UCHL5: variants seen among roughly 807,000 people sequenced by gnomAD.
The protein encoded by UCHL5 is ubiquitin C-terminal hydrolase L5, also known as ubiquitin carboxyl-terminal hydrolase isozyme L5.
In UCHL5, 34 loss-of-function variants were observed where a neutral mutation model predicts 53.8. The ratio of observed to expected loss-of-function variants is 0.63; its 90% CI spans 0.48 to 0.84. UCHL5 has a LOEUF of 0.84. Ranked by LOEUF, UCHL5 falls within the 40% of genes least tolerant of loss-of-function variation. UCHL5 has a pLI of 0.00. For synonymous variants in UCHL5, 111 were observed against 126.3 expected, an observed-to-expected ratio of 0.88 and a Z score of 0.81; for missense variants, 290 against 385.6, an observed-to-expected ratio of 0.75 and a Z score of 2.08.
At chr1:193,059,840 G>T, upstream of UCHL5, 1 of 1,361,468 alleles carries the variant, frequency 7.3e-7, no homozygotes, top group Non-Finnish European at 9.8e-7. This position sits in a 1 kb window ranked among gnomAD's most constrained non-coding sequence, Gnocchi z 4.9. Flanking sequence ...CGCAAATTCT[G>T]ACCAGTCCTC....
At chr1:193,043,198 T>C (rs1405923280) in intron 3 of UCHL5, among the ~76,000 whole-genome samples, 3 of 140,346 alleles carry the variant, frequency 2.1e-5, no homozygotes. Context: ...TTATAAACTA[T>C]TGTTTTTTTT....
At chr1:193,056,707 G>C (rs905448625) in intron 1 of UCHL5, among the ~76,000 whole-genome samples, 5 of 152,126 alleles carry the variant, frequency 3.3e-5, no homozygotes, top group Admixed American at 6.5e-5. Flanking sequence ...CTTTTGAAAT[G>C]AATTTATGAC....
chr1:193,026,217 A>C (rs1333541406), intron 7 of UCHL5, among the ~76,000 whole-genome samples: 1 of 151,958 alleles, frequency 6.6e-6, no homozygotes, highest in Middle Eastern at 3.2e-3. Context: ...CACAGGAAAA[A>C]AATTTTGGTA....
At chr1:193,053,850 A>G (rs368114039) in intron 1 of UCHL5, among the ~76,000 whole-genome samples, 1 of 152,208 alleles carries the variant, frequency 6.6e-6, no homozygotes, top group East Asian at 1.9e-4. Context: ...CCTGGCAAAG[A>G]CAGAAATTAA....
At chr1:193,021,688 G>T (rs1016655174) in intron 9 of UCHL5, among the ~76,000 whole-genome samples, 1 of 152,120 alleles carries the variant, frequency 6.6e-6, no homozygotes, top group Non-Finnish European at 1.5e-5. Flanking sequence ...GTGATTCTAG[G>T]CTTTTACTGC....
At chr1:193,031,238 T>A (rs1350046570) in intron 3 of UCHL5, among the ~76,000 whole-genome samples, 1 of 152,078 alleles carries the variant, frequency 6.6e-6, no homozygotes, top group Non-Finnish European at 1.5e-5. Context: ...GATAGCACAG[T>A]GGGAGGAGTA....
At position 193,014,978 on chromosome 1, in the gene UCHL5, T is replaced by C. The variant is rs1046762299; in HGVS notation, c.*1373A>G. 6.6e-6 allele frequency: 1 copy of C among 152,134 alleles called. No homozygotes were observed. The highest frequency in any genetic ancestry group is 1.5e-5 in the Non-Finnish European group (1 of 67,988). The allele number at this position is 152,134 out of a possible 1,614,324, so 9.4% of individuals were successfully genotyped here. On this transcript the variant is annotated 3_prime_UTR_variant, in exon 11 of 11. Coordinates refer to ENST00000367454, the MANE Select transcript of UCHL5 (RefSeq NM_001199261.3). ...CTTAAAAATCTATTTTTAAAAATTA[T>C]ATCATGGCTTTGAAAACACTCCATA... is the stretch of plus-strand genomic sequence containing the variant.
At chr1:193,032,463 A>G (rs1456395281) in intron 3 of UCHL5, among the ~76,000 whole-genome samples, 1 of 152,190 alleles carries the variant, frequency 6.6e-6, no homozygotes, top group African/African-American at 2.4e-5. Context: ...GGACATAGGT[A>G]TGGGCAAAGA....
chr1:193,036,317 C>CAAAAA (rs960496083), intron 3 of UCHL5, among the ~76,000 whole-genome samples: 3,189 of 49,784 alleles, frequency 0.064, 3 homozygotes, highest in East Asian at 0.079. Flanking sequence ...AACTGGAAAC[C>CAAAAA]AAAAAAAAAA....
chr1:193,030,059 T>C (rs1441530560), intron 3 of UCHL5, among the ~76,000 whole-genome samples: 1 of 152,196 alleles, frequency 6.6e-6, no homozygotes, highest in African/African-American at 2.4e-5. Flanking sequence ...TCAATTCACC[T>C]GTGTGATTGT....
chr1:193,059,372 G>A (rs550735071), upstream of UCHL5: 200 of 1,606,754 alleles, frequency 1.2e-4, 3 homozygotes, highest in South Asian at 2.1e-3. This position sits in a 1 kb window ranked among gnomAD's most constrained non-coding sequence, Gnocchi z 4.9. Context: ...TCAACCACAC[G>A]TCACCCCGCC....
intron 3 of UCHL5, among the ~76,000 whole-genome samples, chr1:193,041,092 T>C (rs1385954962): frequency 6.6e-6 from 1 of 152,146 alleles, no homozygotes; most frequent in Non-Finnish European, 1.5e-5. Flanking sequence ...AGGGTGCCTA[T>C]TGTTTACAAT....
chr1:193,018,805 T>C, intron 10 of UCHL5: 1 of 1,561,796 alleles, frequency 6.4e-7, no homozygotes, highest in Non-Finnish European at 8.7e-7. Context: ...CACCTTGTTC[T>C]TTTATCCTAT....
At position 193,018,228 on chromosome 1, in the gene UCHL5, C is replaced by G. The variant is rs1206982494; in HGVS notation, c.943-1833G>C. 9.2e-5 allele frequency among the ~76,000 whole-genome samples: 14 copies of G among 151,400 alleles called. No individual in the cohort carries two copies. The East Asian group carries it at 2.7e-3, about 29-fold the overall frequency. On this transcript the variant is annotated intron_variant, in intron 10 of 10. Coordinates refer to ENST00000367454, the MANE Select transcript of UCHL5 (RefSeq NM_001199261.3). Reference sequence around the variant, plus strand: ...GTCATAGTAAAATGTGGACAAAATTCAATATTGTGAAGTTGTTTGGATTTC... The same window carrying G: ...GTCATAGTAAAATGTGGACAAAATTGAATATTGTGAAGTTGTTTGGATTTC...
At chr1:193,059,547 G>T (rs369216608), upstream of UCHL5, 3 of 1,542,508 alleles carry the variant, frequency 1.9e-6, no homozygotes, top group Admixed American at 1.8e-5. The surrounding 1 kb of genome is among the most constrained non-coding windows in gnomAD (Gnocchi z 4.9). Context: ...TCACAGCGCC[G>T]AGGAGGCAAC....
intron 3 of UCHL5, among the ~76,000 whole-genome samples, chr1:193,036,317 CAAAAAAAAAAAAAAAAAAA>C (rs960496083): frequency 5.1e-4 from 26 of 50,812 alleles, no homozygotes; most frequent in African/African-American, 2.0e-3. Flanking sequence ...AACTGGAAAC[CAAAAAAAAAAAAAAAAAAA>C]AAAAAAGAAC....
At chr1:193,055,729 T>A (rs1469594666) in intron 1 of UCHL5, among the ~76,000 whole-genome samples, 1 of 152,258 alleles carries the variant, frequency 6.6e-6, no homozygotes, top group Non-Finnish European at 1.5e-5. Flanking sequence ...ATTACTGGGG[T>A]AAATCCCACT....
Position 193,020,694 on chromosome 1 carries a change from C to A in UCHL5, c.942+403G>T, listed in dbSNP as rs142555453. Among the ~76,000 whole-genome samples, 884 of 151,802 alleles carry A rather than the reference C, an allele frequency of 5.8e-3. 5 individuals are homozygous for A. Among genetic ancestry groups the A allele is most frequent in the Non-Finnish European group, 0.01 (686 of 67,744 alleles). On this transcript the variant is annotated intron_variant, in intron 10 of 10. Coordinates refer to ENST00000367454, the MANE Select transcript of UCHL5 (RefSeq NM_001199261.3). ...AAATAAGAAAACCTATTTCGTAGTA[C>A]AGGCTATTTTTTTTTTAAACCCAAC... is the stretch of plus-strand genomic sequence containing the variant.
At position 193,014,060 on chromosome 1, in the gene UCHL5, G is replaced by T. The variant is rs1214972948; in HGVS notation, c.*2291C>A. ...TACCCAATAATTAAATAAAATTTTA[G>T]AAAAGACTAAATATGAAATGAGCAA... On this transcript the variant is annotated 3_prime_UTR_variant, in exon 11 of 11. Coordinates refer to ENST00000367454, the MANE Select transcript of UCHL5 (RefSeq NM_001199261.3). The T allele has an allele frequency of 6.6e-6, 1 of 152,012 alleles. No individual in the cohort carries two copies. The highest frequency in any genetic ancestry group is 6.6e-5 in the Admixed American group (1 of 15,250). 9.4% of individuals were successfully genotyped at this position (152,012 alleles called of 1,614,324 possible).
Sources: allele counts gnomAD v4.1 joint callset (sites outside exome capture counted in the v4.1 genomes callset), GRCh38; gene constraint gnomAD v4.1.1; non-coding constraint Gnocchi (gnomAD v3.1); transcripts MANE v1.5; gene names NCBI Gene and HGNC (gene_info 2026-07-23, HGNC 2026-07-21).